GALNTL6: variants seen among roughly 807,000 people sequenced by gnomAD.
The protein encoded by GALNTL6 is polypeptide N-acetylgalactosaminyltransferase like 6, also known as polypeptide N-acetylgalactosaminyltransferase-like 6.
A neutral mutation model predicts 73.7 loss-of-function variants in GALNTL6; 46 were observed. The observed-to-expected ratio is 0.62, with a 90% CI of 0.49 to 0.80. The LOEUF (loss-of-function observed/expected upper bound fraction) is 0.80, where lower values mean the gene tolerates loss of function less well. GALNTL6 is among the 30% of genes least tolerant of loss of function. The probability of loss-of-function intolerance (pLI) is 0.00; values close to 1 mark genes in which losing one functional copy is unlikely to be tolerated. For synonymous variants in GALNTL6, 259 were observed against 263.7 expected (o/e 0.98, Z 0.17); for missense variants, 604 against 755.0 (o/e 0.80, Z 2.34).
intron 2 of GALNTL6, among the ~76,000 whole-genome samples, chr4:172,037,184 C>T (rs766698796): frequency 1.3e-5 from 2 of 152,112 alleles, no homozygotes; most frequent in Non-Finnish European, 2.9e-5. Flanking sequence ...TAGTACATGC[C>T]CTGTCACTTA....
chr4:172,428,092 G>T (rs1731296059), intron 5 of GALNTL6, among the ~76,000 whole-genome samples: 1 of 151,990 alleles, frequency 6.6e-6, no homozygotes. Context: ...AATTACTTAA[G>T]CATACATCAT....
intron 5 of GALNTL6, among the ~76,000 whole-genome samples, chr4:172,351,193 A>G (rs9312525): frequency 7.1e-4 from 69 of 97,778 alleles, no homozygotes; most frequent in African/African-American, 1.4e-3. Context: ...CTATCTATCT[A>G]TCTATCTATC....
intron 7 of GALNTL6, among the ~76,000 whole-genome samples, chr4:172,864,183 A>G (rs1053298332): frequency 1.3e-5 from 2 of 152,180 alleles, no homozygotes; most frequent in Non-Finnish European, 2.9e-5. Context: ...TATTAGCAGC[A>G]TGAGAACAGA....
chr4:172,644,302 T>TACACATAC (rs966585876), intron 5 of GALNTL6, among the ~76,000 whole-genome samples: 1 of 151,170 alleles, frequency 6.6e-6, no homozygotes, highest in Non-Finnish European at 1.5e-5. Flanking sequence ...CATATACATA[T>TACACATAC]ACACATACAC....
Position 172,945,239 on chromosome 4 carries a change from G to A in GALNTL6, c.1150-6798G>A, listed in dbSNP as rs1343684411. The stretch of plus-strand genomic sequence containing the variant: ...ACAAATTAAACTATAGTGAAAAAAA[G>A]TACATCAGTGGTTGTCTGGGGACAT... On this transcript the variant is annotated intron_variant, in intron 9 of 12. Coordinates refer to ENST00000506823, the MANE Select transcript of GALNTL6 (RefSeq NM_001034845.3). 2.0e-5 allele frequency among the ~76,000 whole-genome samples: 3 copies of A among 152,110 alleles called. No homozygotes were observed. The East Asian group carries it at 5.8e-4, about 29-fold the overall frequency.
chr4:171,908,167 C>T (rs1356595950), intron 2 of GALNTL6, among the ~76,000 whole-genome samples: 1 of 152,134 alleles, frequency 6.6e-6, no homozygotes, highest in Non-Finnish European at 1.5e-5. Flanking sequence ...AACTAAAGAG[C>T]TTCTGCACAG....
chr4:171,888,024 T>A (rs1421007811), intron 2 of GALNTL6, among the ~76,000 whole-genome samples: 1 of 152,110 alleles, frequency 6.6e-6, no homozygotes, highest in Non-Finnish European at 1.5e-5. Flanking sequence ...TTTTGTTTAT[T>A]CTTTTGCTTT....
intron 8 of GALNTL6, among the ~76,000 whole-genome samples, chr4:172,891,679 A>T (rs1206961906): frequency 6.6e-6 from 1 of 152,014 alleles, no homozygotes; most frequent in Non-Finnish European, 1.5e-5. Context: ...TTACATTTCA[A>T]CCTCTCTAGC....
chr4:172,050,989 G>C (rs997638863), intron 2 of GALNTL6, among the ~76,000 whole-genome samples: 8 of 152,152 alleles, frequency 5.3e-5, no homozygotes, highest in Admixed American at 5.2e-4. Flanking sequence ...GGGTATTCTT[G>C]GAATTTGTAA....
chr4:172,034,203 C>T (rs72984523), intron 2 of GALNTL6, among the ~76,000 whole-genome samples: 1,715 of 152,130 alleles, frequency 0.011, 28 homozygotes, highest in African/African-American at 0.035. Context: ...CCTGACTAAC[C>T]TCCCCTGTGC....
At chr4:172,389,779 T>C (rs1040149818) in intron 5 of GALNTL6, among the ~76,000 whole-genome samples, 5 of 152,180 alleles carry the variant, frequency 3.3e-5, no homozygotes, top group Non-Finnish European at 5.9e-5. Flanking sequence ...CATAGCTTTT[T>C]ATATGCTTAA....
chr4:172,019,499 A>G (rs918878960), intron 2 of GALNTL6, among the ~76,000 whole-genome samples: 1 of 152,162 alleles, frequency 6.6e-6, no homozygotes, highest in Non-Finnish European at 1.5e-5. Context: ...AAAGAAACCA[A>G]AAAAGAGCAA....
rs191952202 is a variant in GALNTL6, at chr4:171,875,279, C to T, written c.138+60561C>T. 5.3e-5 allele frequency among the ~76,000 whole-genome samples: 8 copies of T among 152,238 alleles called. No individual in the cohort carries two copies. The East Asian group carries it at 1.5e-3, about 29-fold the overall frequency. On this transcript the variant is annotated intron_variant, in intron 2 of 12. Coordinates refer to ENST00000506823, the MANE Select transcript of GALNTL6 (RefSeq NM_001034845.3). ...TTATTAAGGAAATAAGAGTAGACTC[C>T]AAGAGAGGAATGGACTGACCGGGCT...
intron 5 of GALNTL6, among the ~76,000 whole-genome samples, chr4:172,460,742 A>G: frequency 6.6e-6 from 1 of 152,238 alleles, no homozygotes; most frequent in East Asian, 1.9e-4. Context: ...CATGTGGAGA[A>G]ATAGGAGTGC....
At position 172,542,010 on chromosome 4, in the gene GALNTL6, TG is replaced by T. The variant is rs1260570031; in HGVS notation, c.553+193325del. 1.9e-3 allele frequency among the ~76,000 whole-genome samples: 292 copies of T among 152,006 alleles called. 1 individual carries two copies. Among genetic ancestry groups the T allele is most frequent in the African/African-American group, 6.7e-3 (276 of 41,470 alleles). ...GCTACATTGTCTGAGGTATATACCC[TG>T]GGGTTCGTTGTCCCAGTCAGGAAAA... On this transcript the variant is annotated intron_variant, in intron 5 of 12. Coordinates refer to ENST00000506823, the MANE Select transcript of GALNTL6 (RefSeq NM_001034845.3).
At chr4:172,277,198 A>G (rs964903705) in intron 3 of GALNTL6, among the ~76,000 whole-genome samples, 2 of 152,126 alleles carry the variant, frequency 1.3e-5, no homozygotes, top group Admixed American at 6.6e-5. Flanking sequence ...AGCAATATTT[A>G]TACTCAGTGA....
chr4:171,947,582 T>C (rs1294799915), intron 2 of GALNTL6, among the ~76,000 whole-genome samples: 1 of 152,134 alleles, frequency 6.6e-6, no homozygotes, highest in African/African-American at 2.4e-5. Flanking sequence ...GAACTGACTA[T>C]AGGGAGATGA....
chr4:172,242,502 G>A (rs963636999), intron 3 of GALNTL6, among the ~76,000 whole-genome samples: 8 of 152,020 alleles, frequency 5.3e-5, no homozygotes, highest in African/African-American at 9.7e-5. Flanking sequence ...TGAACTCAAC[G>A]TTTTTAAAAA....
intron 2 of GALNTL6, among the ~76,000 whole-genome samples, chr4:171,855,719 C>T (rs1422331483): frequency 1.3e-5 from 2 of 152,142 alleles, no homozygotes; most frequent in African/African-American, 4.8e-5. Context: ...TGGCTTTTTG[C>T]CACCAGGAAT....
Sources: allele counts gnomAD v4.1 joint callset (sites outside exome capture counted in the v4.1 genomes callset), GRCh38; gene constraint gnomAD v4.1.1; transcripts MANE v1.5; gene names NCBI Gene and HGNC (gene_info 2026-07-23, HGNC 2026-07-21).